SPIDR: variants seen among roughly 807,000 people sequenced by gnomAD.
SPIDR encodes the protein scaffold protein involved in DNA repair, also known as DNA repair-scaffolding protein.
A neutral mutation model predicts 104.6 loss-of-function variants in SPIDR; 93 were observed. That is an observed-to-expected ratio of 0.89 (90% CI 0.75 to 1.06). SPIDR has a LOEUF of 1.06. SPIDR is among the 50% of genes least tolerant of loss of function. The pLI, the probability that SPIDR is intolerant of heterozygous loss-of-function variation, is 0.00. For missense variants in SPIDR, 1,154 were observed against 1,111.2 expected, an observed-to-expected ratio of 1.04 and a Z score of -0.55; for synonymous variants, 431 against 416.9, an observed-to-expected ratio of 1.03 and a Z score of -0.41.
chr8:47,438,416 G>A (rs1298467673), intron 7 of SPIDR, among the ~76,000 whole-genome samples: 6 of 152,156 alleles, frequency 3.9e-5, no homozygotes, highest in Admixed American at 3.9e-4. Context: ...CTCTAATTCT[G>A]TACACACTGC....
Position 47,396,574 on chromosome 8 carries a change from A to T in SPIDR, c.724A>T (p.Thr242Ser). The change falls in exon 6 of 20, where the codon ACA becomes TCA. Residue 242 changes from threonine (T) to serine (S), a missense_variant. Coordinates refer to ENST00000297423, the MANE Select transcript of SPIDR (RefSeq NM_001080394.4). ...ETILHTPQKP[T>S]AKFPRTPENS... ...CATTTTGCATACACCTCAGAAACCC[A>T]CAGCTAAGTTTCCCAGGACTCCAGA... is the stretch of plus-strand genomic sequence containing the variant. 1 of 1,614,146 alleles carries T rather than the reference A, an allele frequency of 6.2e-7. No individual in the cohort carries two copies.
intron 8 of SPIDR, among the ~76,000 whole-genome samples, chr8:47,492,226 T>C (rs1236792731): frequency 6.6e-6 from 1 of 152,186 alleles, no homozygotes; most frequent in Non-Finnish European, 1.5e-5. Context: ...GTGCATGGTA[T>C]GACTCTCCCC....
chr8:47,534,386 G>A (rs1482783919), intron 8 of SPIDR, among the ~76,000 whole-genome samples: 2 of 152,120 alleles, frequency 1.3e-5, no homozygotes, highest in African/African-American at 4.8e-5. Context: ...CAACCTAAAT[G>A]CCCATCAACA....
chr8:47,529,426 A>C (rs2085559959), intron 8 of SPIDR, among the ~76,000 whole-genome samples: 2 of 152,038 alleles, frequency 1.3e-5, no homozygotes, highest in South Asian at 2.1e-4. Flanking sequence ...AAAATAAATA[A>C]ATAAAATAAA....
At chr8:47,718,141 TC>T (rs954111196) in intron 16 of SPIDR, among the ~76,000 whole-genome samples, 1 of 152,192 alleles carries the variant, frequency 6.6e-6, no homozygotes, top group African/African-American at 2.4e-5. Context: ...GTGCTTTTAT[TC>T]CAAGGTTTGA....
chr8:47,494,450 A>G (rs2079152268), intron 8 of SPIDR, among the ~76,000 whole-genome samples: 1 of 152,146 alleles, frequency 6.6e-6, no homozygotes, highest in Admixed American at 6.6e-5. Context: ...GTCAATGAAA[A>G]TAGAAATAAA....
rs146844189 is a variant in SPIDR, at chr8:47,416,325, C to T, written c.877+8364C>T. ...AGATTTTTCACTTAGTTTAATTCCCCGGAGATTTATCCAAGTTGTTGTGTA... is the reference window on the plus strand; with the variant it reads ...AGATTTTTCACTTAGTTTAATTCCCTGGAGATTTATCCAAGTTGTTGTGTA... On this transcript the variant is annotated intron_variant, in intron 7 of 19. Coordinates refer to ENST00000297423, the MANE Select transcript of SPIDR (RefSeq NM_001080394.4). Among the ~76,000 whole-genome samples, 1,453 of 152,236 alleles carry T rather than the reference C, an allele frequency of 9.5e-3. 17 individuals are homozygous for T. The highest frequency in any genetic ancestry group is 0.013 in the Non-Finnish European group (869 of 68,022).
At chr8:47,519,265 C>G (rs1188080692) in intron 8 of SPIDR, among the ~76,000 whole-genome samples, 1 of 152,132 alleles carries the variant, frequency 6.6e-6, no homozygotes, top group Non-Finnish European at 1.5e-5. Flanking sequence ...CTGCATCAGC[C>G]TCCTGAGTAG....
At position 47,592,371 on chromosome 8, in the gene SPIDR, A is replaced by C; in HGVS notation, c.1098-3440A>C. The C allele has an allele frequency of 2.4e-6, 3 of 1,266,080 alleles. No individual in the cohort carries two copies. The Admixed American group carries it at 5.1e-5, about 21-fold the overall frequency. The allele number at this position is 1,266,080 out of a possible 1,614,324, so 78.4% of individuals were successfully genotyped here. On this transcript the variant is annotated intron_variant, in intron 8 of 19. Coordinates refer to ENST00000297423, the MANE Select transcript of SPIDR (RefSeq NM_001080394.4). Reference sequence around the variant, plus strand: ...ATATTCTTCCCAACTTGTCTACATTAGGATGATAAATTTTGGTCATGAAAC... The same window carrying C: ...ATATTCTTCCCAACTTGTCTACATTCGGATGATAAATTTTGGTCATGAAAC...
chr8:47,668,276 T>C (rs1356432480), intron 10 of SPIDR, among the ~76,000 whole-genome samples: 1 of 152,136 alleles, frequency 6.6e-6, no homozygotes, highest in Non-Finnish European at 1.5e-5. Flanking sequence ...ATATCATTAA[T>C]AGACCTAGAG....
At chr8:47,582,441 G>A (rs534141155) in intron 8 of SPIDR, among the ~76,000 whole-genome samples, 3 of 152,280 alleles carry the variant, frequency 2.0e-5, no homozygotes, top group South Asian at 2.1e-4. Flanking sequence ...GTATTTCACC[G>A]TTGACAGTGC....
intron 7 of SPIDR, among the ~76,000 whole-genome samples, chr8:47,420,523 G>T (rs1554679359): frequency 6.6e-6 from 1 of 152,128 alleles, no homozygotes; most frequent in Non-Finnish European, 1.5e-5. Context: ...CAAATGAGAT[G>T]GGTTTCCTGA....
intron 8 of SPIDR, among the ~76,000 whole-genome samples, chr8:47,504,253 T>G (rs1419323741): frequency 6.6e-6 from 1 of 152,236 alleles, no homozygotes; most frequent in Non-Finnish European, 1.5e-5. Context: ...TCCATTCTCC[T>G]CGTCACTTTG....
intron 16 of SPIDR, among the ~76,000 whole-genome samples, chr8:47,724,156 A>G (rs1317719570): frequency 6.6e-6 from 1 of 151,958 alleles, no homozygotes; most frequent in African/African-American, 2.4e-5. Context: ...GGCCTGTTCT[A>G]CAGCTGCCCT....
chr8:47,471,222 A>G (rs1564067688), intron 8 of SPIDR, among the ~76,000 whole-genome samples: 1 of 152,182 alleles, frequency 6.6e-6, no homozygotes, highest in African/African-American at 2.4e-5. Flanking sequence ...ACACTGTCAA[A>G]AGAGTGAAAA....
intron 11 of SPIDR, among the ~76,000 whole-genome samples, chr8:47,690,365 A>G (rs1296076090): frequency 6.6e-6 from 1 of 151,890 alleles, no homozygotes; most frequent in Admixed American, 6.6e-5. Flanking sequence ...TTTTTTTTAC[A>G]AAGTTACTAA....
chr8:47,483,325 T>G (rs1399555751), intron 8 of SPIDR, among the ~76,000 whole-genome samples: 1 of 152,206 alleles, frequency 6.6e-6, no homozygotes, highest in South Asian at 2.1e-4. Flanking sequence ...ACTTTTTTAT[T>G]TCCTGCCAGG....
At chr8:47,266,683 A>G (rs897779096) in intron 1 of SPIDR, among the ~76,000 whole-genome samples, 34 of 152,348 alleles carry the variant, frequency 2.2e-4, no homozygotes, top group African/African-American at 7.9e-4. Context: ...TAAGAAACTG[A>G]CAAACTTTTC....
intron 4 of SPIDR, among the ~76,000 whole-genome samples, chr8:47,292,792 G>C (rs1343742323): frequency 2.0e-5 from 3 of 152,022 alleles, no homozygotes; most frequent in Non-Finnish European, 2.9e-5. Context: ...GCTAGGAATG[G>C]TGCTGTTTTC....
Sources: allele counts gnomAD v4.1 joint callset (sites outside exome capture counted in the v4.1 genomes callset), GRCh38; gene constraint gnomAD v4.1.1; transcripts MANE v1.5; gene names NCBI Gene and HGNC (gene_info 2026-07-23, HGNC 2026-07-21).